TRAPPC3L: variants seen among roughly 807,000 people sequenced by gnomAD.
TRAPPC3L encodes the protein trafficking protein particle complex subunit 3L.
In TRAPPC3L, 23 loss-of-function variants were observed where a neutral mutation model predicts 23.7. The observed-to-expected ratio is 0.97, with a 90% CI of 0.70 to 1.37. The LOEUF (loss-of-function observed/expected upper bound fraction) is 1.37. TRAPPC3L is among the 40% of genes most tolerant of loss of function. TRAPPC3L has a pLI of 0.00. For synonymous variants in TRAPPC3L, 81 were observed against 77.9 expected (o/e 1.04, Z -0.21); for missense variants, 212 against 216.8 (o/e 0.98, Z 0.14).
At position 116,540,411 on chromosome 6, in the gene TRAPPC3L, G is replaced by A. The variant is rs373649602; in HGVS notation, c.192C>T (p.Cys64=). The part of the protein sequence containing the change: ...RLVEDFLARS[C]VGRCHSYSEI... The stretch of plus-strand genomic sequence containing the variant: ...CTGAATAACTATGGCATCTTCCCAC[G>A]CAGGATCGAGCCAAAAAGTCTTCCA... Residue 64 remains cysteine, a synonymous_variant, in exon 3 of 5, where the codon TGC becomes TGT. Transcript: ENST00000368602. The A allele has an allele frequency of 2.0e-4, 306 of 1,551,254 alleles. No homozygotes were observed. The African/African-American group carries it at 3.6e-3, about 18-fold the overall frequency.
chr6:116,534,224 C>G (rs1772930302), intron 3 of TRAPPC3L, among the ~76,000 whole-genome samples: 1 of 152,126 alleles, frequency 6.6e-6, no homozygotes, highest in African/African-American at 2.4e-5. Flanking sequence ...TGAAACCTCT[C>G]TGGCTCGCCT....
chr6:116,513,055 A>G (rs1436115772), intron 3 of TRAPPC3L, among the ~76,000 whole-genome samples: 1 of 152,194 alleles, frequency 6.6e-6, no homozygotes, highest in Non-Finnish European at 1.5e-5. Flanking sequence ...CTAACTTCCC[A>G]TTTATAGGTA....
rs1771818388 is a variant in TRAPPC3L at position 116,495,281 on chromosome 6, C to A, written c.*1673G>T. On this transcript the variant is annotated 3_prime_UTR_variant, in exon 5 of 5. Transcript: ENST00000368602. ...GAACATGCAAAGTCTGTCTTTCTGT[C>A]CTGACATATTTCATTGAACATAATG... 1 of 151,910 alleles carries A rather than the reference C, an allele frequency of 6.6e-6. No homozygotes were observed. The highest frequency in any genetic ancestry group is 2.4e-5 in the African/African-American group (1 of 41,326). 9.4% of individuals were successfully genotyped at this position (151,910 alleles called of 1,614,324 possible). A position where few individuals can be genotyped will look rare whatever the true frequency, so the allele number is the denominator to read the frequency against.
At chr6:116,528,910 T>C (rs1329279184) in intron 3 of TRAPPC3L, 1 of 152,252 alleles carries the variant, frequency 6.6e-6, no homozygotes, top group Non-Finnish European at 1.5e-5. Context: ...AAGAAAGATT[T>C]TATTTTTAGG....
rs1311457955 is a variant in TRAPPC3L, at chr6:116,501,287, G to T, written c.241-621C>A. Among the ~76,000 whole-genome samples the T allele has an allele frequency of 3.9e-5, 6 of 152,186 alleles. No individual in the cohort carries two copies. The South Asian group carries it at 8.3e-4, about 21-fold the overall frequency. ...TCGACCTGAGATGCTGAAGCTTGGC[G>T]GGGGGAGGGGTGTCTGCCATTGCTG... is the stretch of plus-strand genomic sequence containing the variant. On this transcript the variant is annotated intron_variant, in intron 3 of 4. Coordinates refer to ENST00000368602, the MANE Select transcript of TRAPPC3L (RefSeq NM_001139444.3).
rs968091763 is a variant in TRAPPC3L, at chr6:116,540,418, C to A, written c.185G>T (p.Arg62Leu). The A allele has an allele frequency of 2.6e-6, 4 of 1,551,286 alleles. No individual in the cohort carries two copies. Among genetic ancestry groups the A allele is most frequent in the Non-Finnish European group, 3.5e-6 (4 of 1,146,742 alleles). ...ACTATGGCATCTTCCCACGCAGGAT[C>A]GAGCCAAAAAGTCTTCCACAAGCCG... ...GTRLVEDFLARSCVGRCHSYS... is the reference protein window; with the variant it reads ...GTRLVEDFLALSCVGRCHSYS... The change falls in exon 3 of 5, where the codon CGA becomes CTA. Residue 62 changes from arginine to leucine, a missense_variant. Coordinates refer to ENST00000368602, the MANE Select transcript of TRAPPC3L (RefSeq NM_001139444.3).
Position 116,496,858 on chromosome 6 carries a change from G to A in TRAPPC3L, c.*96C>T. 7.1e-7 allele frequency: 1 copy of A among 1,402,854 alleles called. No individual in the cohort carries two copies. Among genetic ancestry groups the A allele is most frequent in the Non-Finnish European group, 9.3e-7 (1 of 1,076,186 alleles). 86.9% of individuals were successfully genotyped at this position (1,402,854 alleles called of 1,614,324 possible). A position where few individuals can be genotyped will look rare whatever the true frequency, so the allele number is the denominator to read the frequency against. On this transcript the variant is annotated 3_prime_UTR_variant, in exon 5 of 5. Coordinates refer to ENST00000368602, the MANE Select transcript of TRAPPC3L (RefSeq NM_001139444.3). ...CTGGCTGATTTATAAACCTTTCAAA[G>A]CTCATGCTATGAAGCAATTCAAAAT...
chr6:116,497,561 A>C (rs1009990407), intron 4 of TRAPPC3L, among the ~76,000 whole-genome samples: 1 of 152,232 alleles, frequency 6.6e-6, no homozygotes, highest in African/African-American at 2.4e-5. Context: ...GAGAGCTTTG[A>C]GAATAATATC....
chr6:116,514,932 T>C (rs1339483090), intron 3 of TRAPPC3L, among the ~76,000 whole-genome samples: 1 of 152,232 alleles, frequency 6.6e-6, no homozygotes, highest in African/African-American at 2.4e-5. Context: ...AGTTAGAAGA[T>C]AATTTAAGCT....
At chr6:116,497,952 A>C (rs927164015) in intron 4 of TRAPPC3L, among the ~76,000 whole-genome samples, 1 of 152,180 alleles carries the variant, frequency 6.6e-6, no homozygotes, top group African/African-American at 2.4e-5. Context: ...CAATTTGTTA[A>C]ACCATTAGTG....
chr6:116,510,516 T>C (rs1361517328), intron 3 of TRAPPC3L, among the ~76,000 whole-genome samples: 1 of 151,876 alleles, frequency 6.6e-6, no homozygotes, highest in African/African-American at 2.4e-5. Context: ...TCGTACTCCT[T>C]GGCTCAAGCA....
chr6:116,524,767 A>T (rs912722199), intron 3 of TRAPPC3L: 4 of 152,212 alleles, frequency 2.6e-5, no homozygotes, highest in African/African-American at 9.6e-5. Flanking sequence ...ATATTTCAAT[A>T]AAAAAGTTGG....
intron 3 of TRAPPC3L, among the ~76,000 whole-genome samples, chr6:116,531,534 C>T (rs1294801819): frequency 6.6e-6 from 1 of 152,126 alleles, no homozygotes; most frequent in African/African-American, 2.4e-5. Context: ...AGGATTTTCC[C>T]ATTTTGGTTC....
intron 3 of TRAPPC3L, among the ~76,000 whole-genome samples, chr6:116,528,718 C>G (rs1772525622): frequency 6.6e-6 from 1 of 152,174 alleles, no homozygotes; most frequent in Non-Finnish European, 1.5e-5. Context: ...GTGATGCCAG[C>G]CTTCTCTGGA....
chr6:116,536,378 G>A (rs184866618), intron 3 of TRAPPC3L, among the ~76,000 whole-genome samples: 1 of 152,252 alleles, frequency 6.6e-6, no homozygotes, highest in Admixed American at 6.5e-5. Flanking sequence ...GAGGCCTAAT[G>A]ACAGACCGAC....
Position 116,540,447 on chromosome 6 carries a change from T to C in TRAPPC3L, c.156A>G (p.Gly52=), listed in dbSNP as rs1773371669. The change falls in exon 3 of 5, where the codon GGA becomes GGG. Residue 52 remains glycine (G), a synonymous_variant. Coordinates refer to ENST00000368602, the MANE Select transcript of TRAPPC3L (RefSeq NM_001139444.3). ...QYLDKMGYGI[G]TRLVEDFLAR... ...CCAAAAAGTCTTCCACAAGCCGCGT[T>C]CCAATGCCGTAACCCCTGTGGATGA... is the stretch of plus-strand genomic sequence containing the variant. 3 of 1,551,202 alleles carry C rather than the reference T, an allele frequency of 1.9e-6. No homozygotes were observed. Among genetic ancestry groups the C allele is most frequent in the Non-Finnish European group, 2.6e-6 (3 of 1,146,738 alleles).
chr6:116,511,654 C>T, intron 3 of TRAPPC3L: 1 of 1,579,586 alleles, frequency 6.3e-7, no homozygotes, highest in Non-Finnish European at 8.6e-7. Context: ...AGCTGCTCTG[C>T]CAATAACAAA....
At chr6:116,525,872 G>A (rs1772432190) in intron 3 of TRAPPC3L, among the ~76,000 whole-genome samples, 1 of 152,188 alleles carries the variant, frequency 6.6e-6, no homozygotes, top group African/African-American at 2.4e-5. Context: ...TTATCATAAA[G>A]AGATGTGCTT....
chr6:116,534,524 T>G (rs1358434451), intron 3 of TRAPPC3L, among the ~76,000 whole-genome samples: 1 of 152,228 alleles, frequency 6.6e-6, no homozygotes, highest in African/African-American at 2.4e-5. Flanking sequence ...TAATCTCAAA[T>G]GGAACATTTT....
Sources: allele counts gnomAD v4.1 joint callset (sites outside exome capture counted in the v4.1 genomes callset), GRCh38; gene constraint gnomAD v4.1.1; transcripts MANE v1.5; gene names NCBI Gene and HGNC (gene_info 2026-07-23, HGNC 2026-07-21).